Variants in ITPK1 observed in about 807,000 individuals in gnomAD.
ITPK1 encodes inositol-tetrakisphosphate 1-kinase, also known as inositol 1,3,4-trisphosphate 5/6-kinase.
A neutral mutation model predicts 45.3 loss-of-function variants in ITPK1; 21 were observed. The observed-to-expected ratio is 0.46, with a 90% CI of 0.33 to 0.67. The LOEUF is 0.67. Among genes scored for constraint, ITPK1 ranks in the 30% least tolerant of loss-of-function variants. The pLI, the probability that ITPK1 is intolerant of heterozygous loss-of-function variation, is 0.02. For missense variants in ITPK1, 474 were observed against 573.5 expected, an observed-to-expected ratio of 0.83 and a Z score of 1.77; for synonymous variants, 258 against 253.6, an observed-to-expected ratio of 1.02 and a Z score of -0.16.
intron 2 of ITPK1, among the ~76,000 whole-genome samples, chr14:93,081,473 G>C (rs1891431767): frequency 6.6e-6 from 1 of 152,148 alleles, no homozygotes; most frequent in Admixed American, 6.5e-5. Context: ...GTATAAACAT[G>C]CTTTTCCAAA....
chr14:92,995,279 G>A (rs2139812507), intron 4 of ITPK1, among the ~76,000 whole-genome samples: 1 of 152,306 alleles, frequency 6.6e-6, no homozygotes, highest in Middle Eastern at 3.4e-3. Context: ...CCTGCCCTCT[G>A]CTCACCCACT....
chr14:93,055,655 C>T (rs1355880678), intron 3 of ITPK1, among the ~76,000 whole-genome samples: 2 of 152,196 alleles, frequency 1.3e-5, no homozygotes, highest in Non-Finnish European at 1.5e-5. Flanking sequence ...CTCCTCTCAG[C>T]TGTCCCCTCC....
At position 92,941,605 on chromosome 14, in the gene ITPK1, G is replaced by T; in HGVS notation, c.1201C>A (p.Gln401Lys). The T allele has an allele frequency of 6.5e-7, 1 of 1,538,022 alleles. No homozygotes were observed. Among genetic ancestry groups the T allele is most frequent in the Non-Finnish European group, 8.7e-7 (1 of 1,144,686 alleles). The change falls in exon 11 of 11, where the codon CAG becomes AAG. Residue 401 changes from glutamine (Q) to lysine (K), a missense_variant. Physicochemically the swap from Gln to Lys is moderately conservative, Grantham distance 53. Around this residue, in one of 2 missense-constraint regions of ITPK1, gnomAD observed 107 missense variants for 92.9 expected, o/e 1.15. Coordinates refer to ENST00000267615, the MANE Select transcript of ITPK1 (RefSeq NM_014216.6). ...CNAGVSPSFQQHCVASLATKA... is the reference protein window; with the variant it reads ...CNAGVSPSFQKHCVASLATKA... ...GTGGCCAGGGAGGCCACACAATGCT[G>T]CTGGAAGCTGGGCGACACGCCGGCG...
chr14:93,077,817 T>C (rs56041593), intron 2 of ITPK1, among the ~76,000 whole-genome samples: 34,452 of 152,022 alleles, frequency 0.23, 4,886 homozygotes, highest in Admixed American at 0.35. Context: ...TGTTCTGGGG[T>C]ATTGATTGCT....
At chr14:93,074,264 C>T (rs182509908) in intron 3 of ITPK1, among the ~76,000 whole-genome samples, 2 of 152,336 alleles carry the variant, frequency 1.3e-5, no homozygotes, top group East Asian at 3.9e-4. Context: ...AAGCCACCAC[C>T]TAAATGAACA....
At chr14:93,077,817 T>A (rs56041593) in intron 2 of ITPK1, among the ~76,000 whole-genome samples, 3 of 151,928 alleles carry the variant, frequency 2.0e-5, no homozygotes, top group Admixed American at 2.0e-4. Context: ...TGTTCTGGGG[T>A]ATTGATTGCT....
rs148765069 is a variant in ITPK1 at position 92,946,461 on chromosome 14, C to T, written c.771G>A (p.Pro257=). 295 of 1,612,860 alleles carry T rather than the reference C, an allele frequency of 1.8e-4. No individual in the cohort carries two copies. In the African/African-American group the frequency reaches 2.8e-3, roughly 16 times the overall value. Residue 257 remains proline, a synonymous_variant, in exon 10 of 11, where the codon CCG becomes CCA. Coordinates refer to ENST00000267615, the MANE Select transcript of ITPK1 (RefSeq NM_014216.6). ...LDKIEGVFER[P]SDEVIRELSR... is the part of the protein sequence containing the mutation. ...AGAGCTCCCGGATGACCTCGTCGCT[C>T]GGCCGCTCGAACACGCCCTCGATCT...
intron 2 of ITPK1, among the ~76,000 whole-genome samples, chr14:93,103,469 G>C (rs1377784983): frequency 1.3e-5 from 2 of 152,018 alleles, no homozygotes; most frequent in African/African-American, 4.8e-5. Flanking sequence ...GACCCTGAGA[G>C]GTACGTGACC....
At chr14:92,994,517 A>G (rs1046137334) in intron 4 of ITPK1, among the ~76,000 whole-genome samples, 1 of 152,216 alleles carries the variant, frequency 6.6e-6, no homozygotes, top group African/African-American at 2.4e-5. Context: ...AGGAAATGCA[A>G]GAGAAACCGT....
Position 92,951,933 on chromosome 14 carries a change from C to T in ITPK1, c.738+13G>A. ...GCAGTTTCAGGCCAGGCCATCCCAG[C>T]AGAGGGACCCACCTCCGTCAGGACC... On this transcript the variant is annotated intron_variant, in intron 9 of 10. Coordinates refer to ENST00000267615, the MANE Select transcript of ITPK1 (RefSeq NM_014216.6). 1 of 1,568,504 alleles carries T rather than the reference C, an allele frequency of 6.4e-7. No homozygotes were observed. Among genetic ancestry groups the T allele is most frequent in the Middle Eastern group, 1.7e-4 (1 of 6,004 alleles).
chr14:93,085,202 G>A (rs1262249535), intron 2 of ITPK1, among the ~76,000 whole-genome samples: 6 of 152,244 alleles, frequency 3.9e-5, no homozygotes, highest in South Asian at 4.1e-4. Flanking sequence ...GACAACATAC[G>A]AACAGAATTT....
chr14:92,944,878 T>C (rs1158508486), intron 10 of ITPK1, among the ~76,000 whole-genome samples: 1 of 152,064 alleles, frequency 6.6e-6, no homozygotes, highest in African/African-American at 2.4e-5. Flanking sequence ...GCCCTTTCAG[T>C]TCACAAGCAC....
chr14:92,946,428 G>T lies in ITPK1; in HGVS notation c.804C>A (p.Ala268=). 6.2e-7 allele frequency: 1 copy of T among 1,613,292 alleles called. No homozygotes were observed. The stretch of plus-strand genomic sequence containing the variant: ...GTGACACGCCCAGTGCCTGCCGCAG[G>T]GCCCGGGAGAGCTCCCGGATGACCT... ...SDEVIRELSR[A]LRQALGVSLF... is the part of the protein sequence containing the mutation. Residue 268 remains alanine, a synonymous_variant, in exon 10 of 11, where the codon GCC becomes GCA. Transcript: ENST00000267615.
At chr14:93,085,376 C>T (rs1460028728) in intron 2 of ITPK1, among the ~76,000 whole-genome samples, 1 of 152,202 alleles carries the variant, frequency 6.6e-6, no homozygotes, top group Admixed American at 6.5e-5. Flanking sequence ...GGGTGCCCCA[C>T]CCAGGGGAGG....
At chr14:92,956,188 C>T (rs1884715590) in intron 8 of ITPK1, among the ~76,000 whole-genome samples, 1 of 151,550 alleles carries the variant, frequency 6.6e-6, no homozygotes, top group Non-Finnish European at 1.5e-5. Context: ...GGCATGACCA[C>T]AGCTCACTGC....
At chr14:93,107,659 G>A (rs555197179) in intron 2 of ITPK1, among the ~76,000 whole-genome samples, 6 of 152,306 alleles carry the variant, frequency 3.9e-5, no homozygotes, top group Admixed American at 6.5e-5. Context: ...GATGCGGAGC[G>A]GGGTCTGGAG....
rs755284434 is a variant in ITPK1 at position 92,940,529 on chromosome 14, A to G, written c.*1032T>C. On this transcript the variant is annotated 3_prime_UTR_variant, in exon 11 of 11. Transcript: ENST00000267615. ...GGTGGACCAGGCCTGCTGGGTGAGG[A>G]GGGACCCAGCAGGTGTGAAAAGGAG... 8 of 1,166,952 alleles carry G rather than the reference A, an allele frequency of 6.9e-6. No homozygotes were observed. Among genetic ancestry groups the G allele is most frequent in the Non-Finnish European group, 8.6e-6 (8 of 930,316 alleles). The allele number at this position is 1,166,952 out of a possible 1,614,324, so 72.3% of individuals were successfully genotyped here.
At chr14:93,114,995 G>T in intron 2 of ITPK1, 74 bp downstream of exon 2, 1 of 847,448 alleles carries the variant, frequency 1.2e-6, no homozygotes, top group Non-Finnish European at 1.8e-6. Flanking sequence ...TAATGAGGCT[G>T]CACCGGGCTC....
chr14:93,096,171 C>T (rs541878730), intron 2 of ITPK1, among the ~76,000 whole-genome samples: 1 of 152,316 alleles, frequency 6.6e-6, no homozygotes, highest in South Asian at 2.1e-4. Context: ...CCCCTGGGGC[C>T]TCTGCACTTG....
Sources: gnomAD v4.1 joint callset for allele counts (sites outside exome capture counted in the v4.1 genomes callset) on GRCh38, gnomAD v4.1.1 for gene constraint, gnomAD v4.1.1 regional missense constraint, MANE v1.5 for transcripts, NCBI Gene and HGNC (gene_info 2026-07-23, HGNC 2026-07-21) for gene names.